SHROOM2: variants seen among roughly 807,000 people sequenced by gnomAD.
The protein encoded by SHROOM2 is shroom family member 2.
In SHROOM2, 33 loss-of-function variants were observed where a neutral mutation model predicts 75.9. That is an observed-to-expected ratio of 0.43 (90% CI 0.33 to 0.58). The LOEUF (loss-of-function observed/expected upper bound fraction) is 0.58, where lower values mean the gene tolerates loss of function less well. SHROOM2 is among the 20% of genes least tolerant of loss of function. The pLI, the probability that SHROOM2 is intolerant of heterozygous loss-of-function variation, is 0.04. For synonymous variants in SHROOM2, 655 were observed against 663.6 expected, an observed-to-expected ratio of 0.99 and a Z score of 0.20; for missense variants, 1,434 against 1,461.2, an observed-to-expected ratio of 0.98 and a Z score of 0.30.
At chrX:9,792,466 T>TTTG (rs778752592) in intron 1 of SHROOM2, among the ~76,000 whole-genome samples, 7 of 108,197 alleles carry the variant, frequency 6.5e-5, no homozygotes, top group African/African-American at 2.0e-4. Flanking sequence ...TGTTTTTTTT[T>TTTG]TTGTTGTTGT....
chrX:9,822,985 A>ATTCTTCTTCTTC (rs1193729528), intron 1 of SHROOM2, among the ~76,000 whole-genome samples: 6 of 88,284 alleles, frequency 6.8e-5, no homozygotes, highest in African/African-American at 2.8e-4. Context: ...AAGAATAATA[A>ATTCTTCTTCTTC]TTCTTCTTCT....
intron 5 of SHROOM2, among the ~76,000 whole-genome samples, chrX:9,906,570 G>A (rs1161277142): frequency 6.2e-5 from 7 of 112,689 alleles, no homozygotes; most frequent in Non-Finnish European, 1.1e-4. Context: ...CAAGGCGGGT[G>A]GATCACCTGA....
chrX:9,883,884 G>C (rs948249079), intron 2 of SHROOM2, among the ~76,000 whole-genome samples: 5 of 110,628 alleles, frequency 4.5e-5, no homozygotes, highest in African/African-American at 1.7e-4. Flanking sequence ...CAGACCCTGG[G>C]GTCTGACATC....
At chrX:9,830,233 C>T (rs1441537460) in intron 1 of SHROOM2, among the ~76,000 whole-genome samples, 1 of 111,871 alleles carries the variant, frequency 8.9e-6, no homozygotes, top group Middle Eastern at 4.6e-3. Flanking sequence ...GGCAGAAATA[C>T]GTATTGTTGC....
chrX:9,808,240 C>CT (rs1403600908), intron 1 of SHROOM2, among the ~76,000 whole-genome samples: 3 of 110,754 alleles, frequency 2.7e-5, no homozygotes, highest in Non-Finnish European at 5.7e-5. Context: ...TCCTGCACTT[C>CT]TTTTTTCTTG....
At chrX:9,910,502 T>A (rs1323465449) in intron 5 of SHROOM2, among the ~76,000 whole-genome samples, 1 of 109,709 alleles carries the variant, frequency 9.1e-6, no homozygotes, top group Non-Finnish European at 1.9e-5. Context: ...AGCCAGGAGT[T>A]TGAGACCAGC....
chrX:9,822,977 GAAT>G (rs200505134), intron 1 of SHROOM2, among the ~76,000 whole-genome samples: 9,961 of 49,648 alleles, frequency 0.2, 618 homozygotes, highest in Middle Eastern at 0.28. Flanking sequence ...TTGAGAATAA[GAAT>G]AATAATTCTT....
At chrX:9,917,160 G>A (rs1001211059) in intron 5 of SHROOM2, among the ~76,000 whole-genome samples, 12 of 111,761 alleles carry the variant, frequency 1.1e-4, no homozygotes, top group Non-Finnish European at 1.9e-4. Context: ...CTAACTCATC[G>A]TAGTTCCCAT....
At chrX:9,916,047 G>A (rs1309798106) in intron 5 of SHROOM2, among the ~76,000 whole-genome samples, 2 of 111,716 alleles carry the variant, frequency 1.8e-5, no homozygotes, top group Non-Finnish European at 3.8e-5. Context: ...TACTAATCTG[G>A]GATTACAGCT....
At chrX:9,851,683 C>T (rs1482051057) in intron 1 of SHROOM2, among the ~76,000 whole-genome samples, 1 of 101,267 alleles carries the variant, frequency 9.9e-6, no homozygotes, top group Non-Finnish European at 2.0e-5. Flanking sequence ...CCAGGCTGGT[C>T]TCAAATTCCT....
At chrX:9,942,580 A>T (rs147499002) in intron 8 of SHROOM2, among the ~76,000 whole-genome samples, 3,281 of 111,656 alleles carry the variant, frequency 0.029, 114 homozygotes, top group African/African-American at 0.1. Flanking sequence ...ATTTACATCT[A>T]TGATAAAGAA....
intron 1 of SHROOM2, among the ~76,000 whole-genome samples, chrX:9,855,533 C>T (rs1184406117): frequency 9.9e-6 from 1 of 100,620 alleles, no homozygotes; most frequent in African/African-American, 4.3e-5. Flanking sequence ...CCAACTATTC[C>T]CATATTAATC....
intron 5 of SHROOM2, among the ~76,000 whole-genome samples, chrX:9,913,507 C>G (rs2084452842): frequency 8.9e-6 from 1 of 112,305 alleles, no homozygotes; most frequent in African/African-American, 3.2e-5. Flanking sequence ...GGCTATATTT[C>G]TAAATGGTTG....
intron 5 of SHROOM2, among the ~76,000 whole-genome samples, chrX:9,898,713 T>A (rs759810940): frequency 3.6e-5 from 4 of 112,060 alleles, no homozygotes; most frequent in Non-Finnish European, 7.5e-5. Context: ...AAATCAGAGT[T>A]GCCTCTAAGG....
rs2084334615 is a variant in SHROOM2 at position 9,896,691 on chromosome X, A to G, written c.2783A>G (p.Tyr928Cys). The change falls in exon 4 of 10, where the codon TAC (tyrosine) becomes TGC (cysteine). Residue 928 changes from tyrosine (Y) to cysteine (C), a missense_variant. By Grantham distance (194) the Tyr-to-Cys change is radical (BLOSUM62 -2). Coordinates refer to ENST00000380913, the MANE Select transcript of SHROOM2 (RefSeq NM_001649.4). ...RSRSSPSTDH[Y>C]KQEASVELRR... ...CGGTCTTCACCGTCCACAGACCACT[A>G]CAAGCAGGTAAGCATGGAGCCACAG... is the stretch of plus-strand genomic sequence containing the variant. The G allele has an allele frequency of 8.5e-7, 1 of 1,175,498 alleles. No individual in the cohort carries two copies. The highest frequency in any genetic ancestry group is 1.8e-5 in the African/African-American group (1 of 56,721).
At chrX:9,816,494 C>T (rs1383436899) in intron 1 of SHROOM2, among the ~76,000 whole-genome samples, 1 of 112,420 alleles carries the variant, frequency 8.9e-6, no homozygotes, top group Non-Finnish European at 1.9e-5. Context: ...GTCAGCATGT[C>T]TGCTGAGCCT....
chrX:9,815,464 GTGTGTGTGTGTGTGTGTA>G (rs1255000442), intron 1 of SHROOM2, among the ~76,000 whole-genome samples: 15 of 105,768 alleles, frequency 1.4e-4, no homozygotes, highest in African/African-American at 5.2e-4. Flanking sequence ...GTGTGTGTGT[GTGTGTGTGTGTGTGTGTA>G]TATAATATCT....
chrX:9,807,955 C>T (rs1054782579), intron 1 of SHROOM2, among the ~76,000 whole-genome samples: 7 of 111,681 alleles, frequency 6.3e-5, no homozygotes, highest in Non-Finnish European at 1.3e-4. Context: ...TGACTTGTGA[C>T]CATCCTGGGT....
chrX:9,854,816 G>A (rs1442165861), intron 1 of SHROOM2, among the ~76,000 whole-genome samples: 1 of 110,388 alleles, frequency 9.1e-6, no homozygotes, highest in African/African-American at 3.3e-5. Context: ...AAGGTCAGGA[G>A]AAACAGAAAC....
Sources: gnomAD v4.1 joint callset for allele counts (sites outside exome capture counted in the v4.1 genomes callset) on GRCh38, gnomAD v4.1.1 for gene constraint, MANE v1.5 for transcripts, NCBI Gene and HGNC (gene_info 2026-07-23, HGNC 2026-07-21) for gene names.